The following BCAS3 variants were observed in gnomAD, a reference collection of about 807,000 sequenced individuals.
BCAS3 encodes BCAS4/BCAS3 fusion.
In BCAS3, 53 loss-of-function variants were observed where a neutral mutation model predicts 116.1. That is an observed-to-expected ratio of 0.46 (90% CI 0.37 to 0.57). The LOEUF (loss-of-function observed/expected upper bound fraction) is 0.57, where lower values mean the gene tolerates loss of function less well. Among genes scored for constraint, BCAS3 ranks in the 20% least tolerant of loss-of-function variants. The pLI is 0.00. For missense variants in BCAS3, 917 were observed against 1,165.4 expected (o/e 0.79, Z 3.10); for synonymous variants, 391 against 408.2 (o/e 0.96, Z 0.51).
At chr17:60,780,240 G>A (rs950301437) in intron 6 of BCAS3, among the ~76,000 whole-genome samples, 6 of 151,028 alleles carry the variant, frequency 4.0e-5, no homozygotes, top group Admixed American at 6.6e-5. Flanking sequence ...TGCCCACCTC[G>A]GCCTGCCAAA....
intron 22 of BCAS3, among the ~76,000 whole-genome samples, chr17:61,295,246 A>G (rs2052778902): frequency 1.3e-5 from 2 of 152,212 alleles, no homozygotes; most frequent in South Asian, 2.1e-4. Context: ...CTGGATTACT[A>G]GGGAGCCTGG....
At chr17:60,708,761 C>T (rs571063968) in intron 4 of BCAS3, among the ~76,000 whole-genome samples, 5 of 152,126 alleles carry the variant, frequency 3.3e-5, no homozygotes, top group Non-Finnish European at 7.4e-5. Flanking sequence ...AACTCCTGAC[C>T]TCATGATCTG....
intron 5 of BCAS3, among the ~76,000 whole-genome samples, chr17:60,730,622 A>G (rs1235162758): frequency 6.6e-6 from 1 of 152,192 alleles, no homozygotes; most frequent in African/African-American, 2.4e-5. Context: ...GGAGCTTTCA[A>G]AAGGACTGCT....
At chr17:61,178,375 CAG>C (rs1325050152) in intron 22 of BCAS3, among the ~76,000 whole-genome samples, 6 of 152,092 alleles carry the variant, frequency 3.9e-5, no homozygotes, top group African/African-American at 1.4e-4. Context: ...CAGCTGCATA[CAG>C]AGTTTTACCC....
In BCAS3 at chr17:61,019,740, A is replaced by G. The variant is rs1361224237; in HGVS notation, c.1637+3839A>G. Among the ~76,000 whole-genome samples the G allele has an allele frequency of 2.6e-5, 4 of 152,168 alleles. No homozygotes were observed. The highest frequency in any genetic ancestry group is 9.6e-5 in the African/African-American group (4 of 41,464). On this transcript the variant is annotated intron_variant, in intron 16 of 23. Transcript: ENST00000407086. The surrounding 1 kb of genome is among the most constrained non-coding windows in gnomAD (Gnocchi z 5.6). ...TTAAGACTGGAGTTAGCTAATTTCC[A>G]TTAATTATTGGCATTAAATTGTATT...
chr17:60,753,892 AGT>A (rs1335464740), intron 6 of BCAS3, among the ~76,000 whole-genome samples: 1 of 152,176 alleles, frequency 6.6e-6, no homozygotes, highest in Non-Finnish European at 1.5e-5. Context: ...CATTCTATGC[AGT>A]GACTTGCATA....
intron 14 of BCAS3, among the ~76,000 whole-genome samples, chr17:60,982,163 A>G: frequency 6.7e-6 from 1 of 150,028 alleles, no homozygotes; most frequent in Admixed American, 6.6e-5. Context: ...TTTTTTTAAA[A>G]TACCAAAGTT....
rs915202224 is a variant in BCAS3, at chr17:61,309,146, T to TG, written c.2426-59181_2426-59180insG. On this transcript the variant is annotated intron_variant, in intron 22 of 23. Coordinates refer to ENST00000407086, the MANE Select transcript of BCAS3 (RefSeq NM_017679.5). The surrounding 1 kb of genome is among the most constrained non-coding windows in gnomAD (Gnocchi z 4.6). The stretch of plus-strand genomic sequence containing the variant: ...TCCATGCCCGTCAAGGAGTAATACT[T>TG]TTTTCAGCCTTGGGTTTAGTGACAG... 2.6e-5 allele frequency among the ~76,000 whole-genome samples: 4 copies of TG among 151,520 alleles called. No individual in the cohort carries two copies. Among genetic ancestry groups the TG allele is most frequent in the Non-Finnish European group, 1.5e-5 (1 of 67,970 alleles).
intron 6 of BCAS3, among the ~76,000 whole-genome samples, chr17:60,782,924 A>G (rs1333084167): frequency 6.6e-6 from 1 of 152,052 alleles, no homozygotes. Context: ...TTACTCTGTC[A>G]TGCCAATTAA....
chr17:60,822,429 G>A (rs1209110082), intron 7 of BCAS3, among the ~76,000 whole-genome samples: 5 of 151,916 alleles, frequency 3.3e-5, no homozygotes, highest in South Asian at 2.1e-4. Context: ...TGAATTTCTC[G>A]TTTATAATAT....
At chr17:60,707,320 G>T (rs2037291561) in intron 4 of BCAS3, among the ~76,000 whole-genome samples, 1 of 151,626 alleles carries the variant, frequency 6.6e-6, no homozygotes, top group South Asian at 2.1e-4. Context: ...TAGAGATGGG[G>T]TTTCGCCATG....
chr17:61,279,928 C>A lies in BCAS3; in HGVS notation c.2426-88399C>A, dbSNP rs2051098968. On this transcript the variant is annotated intron_variant, in intron 22 of 23. Coordinates refer to ENST00000407086, the MANE Select transcript of BCAS3 (RefSeq NM_017679.5). The surrounding 1 kb of genome is among the most constrained non-coding windows in gnomAD (Gnocchi z 4.4). Reference sequence around the variant, plus strand: ...ATGTCTCTACATCTTTCTTTTCTCTCAATCCTGCTCCTGCTGAGTCTACAT... The same window carrying A: ...ATGTCTCTACATCTTTCTTTTCTCTAAATCCTGCTCCTGCTGAGTCTACAT... 6.6e-6 allele frequency among the ~76,000 whole-genome samples: 1 copy of A among 152,210 alleles called. No individual in the cohort carries two copies. Among genetic ancestry groups the A allele is most frequent in the East Asian group, 1.9e-4 (1 of 5,182 alleles).
chr17:60,945,855 T>C (rs139050825), intron 13 of BCAS3, among the ~76,000 whole-genome samples: 1,847 of 151,762 alleles, frequency 0.012, 38 homozygotes, highest in African/African-American at 0.04. Flanking sequence ...GCATGGTGAC[T>C]CATGCCTGTA....
rs941214519 is a variant in BCAS3 at position 61,013,165 on chromosome 17, C to T, written c.1487-2586C>T. 6.6e-6 allele frequency among the ~76,000 whole-genome samples: 1 copy of T among 151,928 alleles called. No homozygotes were observed. Among genetic ancestry groups the T allele is most frequent in the African/African-American group, 2.4e-5 (1 of 41,396 alleles). On this transcript the variant is annotated intron_variant, in intron 15 of 23. Transcript: ENST00000407086. The surrounding 1 kb of genome is among the most constrained non-coding windows in gnomAD (Gnocchi z 4.4). ...GCCCTTTTCCATATAAAGTTGTTCC[C>T]ACGTCTGCTTATCTTTGGTTCTTGG... is the stretch of plus-strand genomic sequence containing the variant.
At chr17:61,014,125 C>CTTATCTA (rs1370056868) in intron 15 of BCAS3, among the ~76,000 whole-genome samples, 6 of 151,814 alleles carry the variant, frequency 4.0e-5, no homozygotes, top group Non-Finnish European at 8.8e-5. Context: ...TAAAAAATAC[C>CTTATCTA]TTATCTATTG....
At chr17:60,957,467 CATGACCCTATCTA>C (rs1215806168) in intron 14 of BCAS3, among the ~76,000 whole-genome samples, 1 of 152,170 alleles carries the variant, frequency 6.6e-6, no homozygotes, top group Non-Finnish European at 1.5e-5. Flanking sequence ...CAACCCTGTG[CATGACCCTATCTA>C]TAGTCATGTA....
intron 6 of BCAS3, among the ~76,000 whole-genome samples, chr17:60,782,096 C>T (rs2045885922): frequency 6.6e-6 from 1 of 152,134 alleles, no homozygotes; most frequent in Non-Finnish European, 1.5e-5. Context: ...ACCTTGAAGA[C>T]TGAAAATTAA....
chr17:60,711,206 T>G (rs542984825), intron 5 of BCAS3, among the ~76,000 whole-genome samples: 1 of 152,002 alleles, frequency 6.6e-6, no homozygotes, highest in Non-Finnish European at 1.5e-5. Context: ...ATCGTGCTGG[T>G]ATGTCATGAA....
chr17:61,088,291 T>C lies in BCAS3; in HGVS notation c.2425+3727T>C, dbSNP rs1482281143. 6.6e-6 allele frequency among the ~76,000 whole-genome samples: 1 copy of C among 152,180 alleles called. No individual in the cohort carries two copies. Among genetic ancestry groups the C allele is most frequent in the East Asian group, 1.9e-4 (1 of 5,198 alleles). On this transcript the variant is annotated intron_variant, in intron 22 of 23. Coordinates refer to ENST00000407086, the MANE Select transcript of BCAS3 (RefSeq NM_017679.5). This position sits in a 1 kb window ranked among gnomAD's most constrained non-coding sequence, Gnocchi z 4.2. ...TTGGCTGAGGAGATCATTTTGGAAA[T>C]GGACACATTATAGGATTTTAACCTA... is the stretch of plus-strand genomic sequence containing the variant.
Sources: gnomAD v4.1 joint callset for allele counts (sites outside exome capture counted in the v4.1 genomes callset) on GRCh38, gnomAD v4.1.1 for gene constraint, Gnocchi (gnomAD v3.1) non-coding constraint, MANE v1.5 for transcripts, NCBI Gene and HGNC (gene_info 2026-07-23, HGNC 2026-07-21) for gene names.